The following LGSN variants were observed in gnomAD, a reference collection of about 807,000 sequenced individuals.
LGSN encodes the protein lengsin, lens protein with glutamine synthetase domain.
A neutral mutation model predicts 19.5 loss-of-function variants in LGSN; 21 were observed. The ratio of observed to expected loss-of-function variants is 1.07; its 90% CI spans 0.76 to 1.55. The LOEUF (loss-of-function observed/expected upper bound fraction) is 1.55, where lower values mean the gene tolerates loss of function less well. Among genes scored for constraint, LGSN ranks in the 40% most tolerant of loss-of-function variants. The pLI, the probability that LGSN is intolerant of heterozygous loss-of-function variation, is 0.00. For missense variants in LGSN, 673 were observed against 608.5 expected, an observed-to-expected ratio of 1.11 and a Z score of -1.12; for synonymous variants, 257 against 215.6, an observed-to-expected ratio of 1.19 and a Z score of -1.68.
chr6:63,353,935 A>T, the LGSN span, among the ~76,000 whole-genome samples: 1,645 of 152,234 alleles, frequency 0.011, 18 homozygotes, highest in African/African-American at 0.037. Flanking sequence ...AGAATACTGG[A>T]TATTTATACA....
At chr6:63,378,141 C>A in the LGSN span, among the ~76,000 whole-genome samples, 1 of 151,708 alleles carries the variant, frequency 6.6e-6, no homozygotes, top group Non-Finnish European at 1.5e-5. Flanking sequence ...GACCAAGGAA[C>A]TGAAAGAATT....
intron 2 of LGSN, among the ~76,000 whole-genome samples, chr6:63,293,197 A>G (rs1303153473): frequency 6.6e-6 from 1 of 152,068 alleles, no homozygotes; most frequent in Non-Finnish European, 1.5e-5. Flanking sequence ...GGGTCTGCCT[A>G]TGTTGCCCAG....
the LGSN span, among the ~76,000 whole-genome samples, chr6:63,501,249 C>A: frequency 6.6e-6 from 1 of 151,586 alleles, no homozygotes; most frequent in East Asian, 2.0e-4. Flanking sequence ...GTAGTCCCAG[C>A]TACTGGGGAT....
the LGSN span, chr6:63,441,412 C>A: frequency 1.3e-5 from 6 of 462,486 alleles, no homozygotes; most frequent in Admixed American, 5.1e-5. Context: ...AGTGGCTGGA[C>A]CTGAAGAATA....
the LGSN span, among the ~76,000 whole-genome samples, chr6:63,468,513 T>C: frequency 6.6e-6 from 1 of 152,134 alleles, no homozygotes; most frequent in Non-Finnish European, 1.5e-5. Flanking sequence ...CTGCAGCCTC[T>C]GCCTCCTGGG....
chr6:63,434,417 G>A, the LGSN span, among the ~76,000 whole-genome samples: 1 of 136,668 alleles, frequency 7.3e-6, no homozygotes, highest in African/African-American at 2.8e-5. Flanking sequence ...TCTAGCCTAA[G>A]CAACAGAGCA....
the LGSN span, among the ~76,000 whole-genome samples, chr6:63,544,354 T>G: frequency 6.6e-5 from 10 of 152,354 alleles, no homozygotes; most frequent in Non-Finnish European, 5.9e-5. Flanking sequence ...TTCTCTATAC[T>G]GTTTGCAAGG....
chr6:63,393,547 A>G, the LGSN span, among the ~76,000 whole-genome samples: 5 of 152,270 alleles, frequency 3.3e-5, no homozygotes, highest in East Asian at 9.7e-4. Flanking sequence ...GCCCATTTGC[A>G]CAATAAGATT....
the LGSN span, among the ~76,000 whole-genome samples, chr6:63,359,215 T>C: frequency 6.6e-6 from 1 of 152,218 alleles, no homozygotes. Context: ...CTTTTTGATG[T>C]GCTGCTGGAT....
the LGSN span, among the ~76,000 whole-genome samples, chr6:63,508,129 A>C: frequency 6.6e-6 from 1 of 152,252 alleles, no homozygotes. Context: ...TCCAGAAATT[A>C]TGCCAACTTC....
chr6:63,332,068 C>A, the LGSN span, among the ~76,000 whole-genome samples: 3 of 152,128 alleles, frequency 2.0e-5, no homozygotes, highest in African/African-American at 7.2e-5. Flanking sequence ...ATTTCTGAGG[C>A]TCCCCATATC....
At chr6:63,291,758 G>A (rs955277944) in intron 2 of LGSN, among the ~76,000 whole-genome samples, 6 of 152,142 alleles carry the variant, frequency 3.9e-5, no homozygotes, top group African/African-American at 1.4e-4. Flanking sequence ...GCCTCTTTTC[G>A]GTATCAGTAG....
the LGSN span, among the ~76,000 whole-genome samples, chr6:63,491,216 C>T: frequency 6.6e-6 from 1 of 152,282 alleles, no homozygotes; most frequent in Non-Finnish European, 1.5e-5. Flanking sequence ...GAGAGGTCAC[C>T]AAGACCCCAG....
chr6:63,280,515 C>T lies in LGSN; in HGVS notation c.1036G>A (p.Ala346Thr). ...QLTITGKKWL[A>T]GLLKHSAALS... ...GCAGCAGAGTGCTTCAAGAGTCCTG[C>T]CAACCATTTTTTCCCAGTGATCGTG... Residue 346 changes from alanine (A) to threonine (T), a missense_variant, in exon 4 of 4, where the codon GCA (alanine) becomes ACA (threonine). By Grantham distance (58) the Ala-to-Thr change is moderately conservative (BLOSUM62 0). Coordinates refer to ENST00000370657, the MANE Select transcript of LGSN (RefSeq NM_016571.3). 1 of 1,614,100 alleles carries T rather than the reference C, an allele frequency of 6.2e-7. No individual in the cohort carries two copies. The highest frequency in any genetic ancestry group is 1.3e-5 in the African/African-American group (1 of 75,040).
chr6:63,305,387 T>G (rs1387769404), intron 1 of LGSN, among the ~76,000 whole-genome samples: 1 of 152,192 alleles, frequency 6.6e-6, no homozygotes, highest in Non-Finnish European at 1.5e-5. Flanking sequence ...CCTCTCAATC[T>G]TAAGAGGTTG....
chr6:63,414,789 C>T, the LGSN span, among the ~76,000 whole-genome samples: 41 of 152,224 alleles, frequency 2.7e-4, no homozygotes, highest in Non-Finnish European at 5.0e-4. Context: ...GTGGTGTGGG[C>T]CTGTAGTCCC....
At chr6:63,543,515 G>A in the LGSN span, among the ~76,000 whole-genome samples, 1 of 152,148 alleles carries the variant, frequency 6.6e-6, no homozygotes, top group Admixed American at 6.5e-5. Flanking sequence ...AACAGTATCT[G>A]ACAGGAAGAA....
chr6:63,546,703 T>C, the LGSN span, among the ~76,000 whole-genome samples: 9 of 149,588 alleles, frequency 6.0e-5, no homozygotes, highest in South Asian at 1.9e-3. Context: ...CAAAACTCCA[T>C]CTCAAAAAAA....
At chr6:63,555,301 A>G in the LGSN span, among the ~76,000 whole-genome samples, 1 of 152,198 alleles carries the variant, frequency 6.6e-6, no homozygotes, top group Non-Finnish European at 1.5e-5. Context: ...AGAATGAAAC[A>G]AGGAACTTCG....
Sources: allele counts gnomAD v4.1 joint callset (sites outside exome capture counted in the v4.1 genomes callset), GRCh38; gene constraint gnomAD v4.1.1; transcripts MANE v1.5; gene names NCBI Gene and HGNC (gene_info 2026-07-23, HGNC 2026-07-21).